The following HERC3 variants were observed in gnomAD, a reference collection of about 807,000 sequenced individuals.
The protein encoded by HERC3 is probable E3 ubiquitin-protein ligase HERC3.
In HERC3, 58 loss-of-function variants were observed where a neutral mutation model predicts 129.9. The ratio of observed to expected loss-of-function variants is 0.45; its 90% CI spans 0.36 to 0.56. The LOEUF is 0.56. Ranked by LOEUF, HERC3 falls within the 20% of genes least tolerant of loss-of-function variation. The pLI is 0.00. For synonymous variants in HERC3, 430 were observed against 451.0 expected (o/e 0.95, Z 0.59); for missense variants, 835 against 1,244.2 (o/e 0.67, Z 4.95).
intron 3 of HERC3, among the ~76,000 whole-genome samples, chr4:88,646,524 C>A (rs1728706899): frequency 6.6e-6 from 1 of 152,166 alleles, no homozygotes; most frequent in African/African-American, 2.4e-5. Flanking sequence ...CGAAAAATAC[C>A]AAATGCTTCT....
In HERC3 at chr4:88,680,127, G is replaced by A; in HGVS notation, c.2231G>A (p.Gly744Asp). ...GATGGTGAAGAAGCAGTGGATGCCG[G>A]TGGTGTTACAAAGGAATTTTTTCTT... ...IFDGEEAVDAGGVTKEFFLLL... is the reference protein window; with the variant it reads ...IFDGEEAVDADGVTKEFFLLL... The change falls in exon 20 of 26, where the codon GGT becomes GAT. Residue 744 changes from glycine to aspartate, a missense_variant. By Grantham distance (94) the Gly-to-Asp change is moderately conservative. Transcript: ENST00000402738. The A allele has an allele frequency of 6.2e-7, 1 of 1,613,162 alleles. No individual in the cohort carries two copies.
At chr4:88,663,165 A>G (rs1016994091) in intron 11 of HERC3, among the ~76,000 whole-genome samples, 1 of 152,142 alleles carries the variant, frequency 6.6e-6, no homozygotes, top group Non-Finnish European at 1.5e-5. Flanking sequence ...CTGTGCACTA[A>G]GTTGTGGTTA....
intron 23 of HERC3, chr4:88,697,602 C>T: frequency 6.2e-7 from 1 of 1,613,600 alleles, no homozygotes; most frequent in Non-Finnish European, 8.5e-7. Context: ...GCTCCTCAGC[C>T]ATCTGACCAG....
the HERC3 span, among the ~76,000 whole-genome samples, chr4:88,552,578 C>T: frequency 6.6e-6 from 1 of 152,204 alleles, no homozygotes; most frequent in Non-Finnish European, 1.5e-5. Flanking sequence ...CAATCCACAA[C>T]TGATGGGCAC....
At chr4:88,641,947 A>G (rs1053974742) in intron 3 of HERC3, among the ~76,000 whole-genome samples, 2 of 151,880 alleles carry the variant, frequency 1.3e-5, no homozygotes, top group African/African-American at 4.8e-5. Context: ...TTGTATTTTT[A>G]GTGAAACTCC....
rs868275445 is a variant in HERC3, at chr4:88,634,155, G to A, written c.227-15685G>A. Among the ~76,000 whole-genome samples the A allele has an allele frequency of 7.2e-5, 11 of 152,318 alleles. 1 individual carries two copies. In the Middle Eastern group the frequency reaches 0.02, roughly 283 times the overall value. On this transcript the variant is annotated intron_variant, in intron 3 of 25. Coordinates refer to ENST00000402738, the MANE Select transcript of HERC3 (RefSeq NM_014606.3). ...AGGGGAGCCCCCACCCTTAGCTGAG[G>A]GAGGTGGTTAGTGAGTGTGCTACCC...
At chr4:88,633,439 C>T (rs1447249812) in intron 3 of HERC3, among the ~76,000 whole-genome samples, 4 of 152,048 alleles carry the variant, frequency 2.6e-5, no homozygotes, top group South Asian at 2.1e-4. Context: ...GGGTTTCTTC[C>T]GTGTAATATA....
intron 10 of HERC3, among the ~76,000 whole-genome samples, chr4:88,659,584 T>C (rs1730280801): frequency 6.6e-6 from 1 of 152,208 alleles, no homozygotes; most frequent in Admixed American, 6.5e-5. Context: ...CCTAGACTTA[T>C]TTTAGACCCA....
At chr4:88,654,451 T>A (rs1729664467) in intron 7 of HERC3, among the ~76,000 whole-genome samples, 1 of 144,594 alleles carries the variant, frequency 6.9e-6, no homozygotes, top group Admixed American at 7.0e-5. Context: ...TATATAAAAA[T>A]GTAGATTATA....
chr4:88,571,541 T>G, the HERC3 span, among the ~76,000 whole-genome samples: 2 of 152,228 alleles, frequency 1.3e-5, no homozygotes, highest in Non-Finnish European at 2.9e-5. Flanking sequence ...AGATTTGGTA[T>G]GCAAACTAGA....
At chr4:88,609,479 G>A (rs1246831233) in intron 3 of HERC3, among the ~76,000 whole-genome samples, 2 of 152,200 alleles carry the variant, frequency 1.3e-5, no homozygotes. Flanking sequence ...TGTCTCTGGA[G>A]TTACAGGGAA....
chr4:88,529,969 G>T, the HERC3 span, among the ~76,000 whole-genome samples: 1 of 152,116 alleles, frequency 6.6e-6, no homozygotes, highest in Non-Finnish European at 1.5e-5. Flanking sequence ...ATATTAGGAG[G>T]TGGAAAGGAG....
chr4:88,609,856 G>A (rs1364305796), intron 3 of HERC3, among the ~76,000 whole-genome samples: 2 of 152,204 alleles, frequency 1.3e-5, no homozygotes, highest in African/African-American at 2.4e-5. Context: ...TCCATAGACA[G>A]AGCCCTGAAG....
chr4:88,525,153 G>A, the HERC3 span, among the ~76,000 whole-genome samples: 1 of 152,138 alleles, frequency 6.6e-6, no homozygotes, highest in Non-Finnish European at 1.5e-5. Flanking sequence ...AAGAGATAAT[G>A]AAAGTCTCTG....
intron 3 of HERC3, among the ~76,000 whole-genome samples, chr4:88,633,795 G>T (rs1727035064): frequency 6.6e-6 from 1 of 152,046 alleles, no homozygotes. Flanking sequence ...TAATGATATT[G>T]GAAGATTATT....
At chr4:88,696,518 CAT>C (rs3834226) in intron 23 of HERC3, 21,365 of 152,490 alleles carry the variant, frequency 0.14, 1,634 homozygotes, top group East Asian at 0.21. Context: ...CTAATGAATA[CAT>C]ATGTTGACAG....
chr4:88,702,279 A>G (rs1735388789), intron 23 of HERC3, among the ~76,000 whole-genome samples: 1 of 152,218 alleles, frequency 6.6e-6, no homozygotes, highest in African/African-American at 2.4e-5. Flanking sequence ...GCACTCTTAC[A>G]TGTATTCACT....
At chr4:88,630,278 T>C (rs796477190) in intron 3 of HERC3, among the ~76,000 whole-genome samples, 10 of 152,218 alleles carry the variant, frequency 6.6e-5, no homozygotes, top group Non-Finnish European at 1.2e-4. Context: ...GCTTCCCTAG[T>C]GATTTAGAAA....
chr4:88,692,478 A>G (rs555495895), intron 23 of HERC3, among the ~76,000 whole-genome samples: 1 of 152,256 alleles, frequency 6.6e-6, no homozygotes, highest in Non-Finnish European at 1.5e-5. Flanking sequence ...AATAAAACTC[A>G]TGCATGACAA....
Sources: allele counts gnomAD v4.1 joint callset (sites outside exome capture counted in the v4.1 genomes callset), GRCh38; gene constraint gnomAD v4.1.1; transcripts MANE v1.5; gene names NCBI Gene and HGNC (gene_info 2026-07-23, HGNC 2026-07-21).